Variants in RABGAP1 observed in about 807,000 individuals in gnomAD.
RABGAP1 encodes the protein rab GTPase-activating protein 1.
In RABGAP1, 23 loss-of-function variants were observed where a neutral mutation model predicts 137.6. The observed-to-expected ratio is 0.17, with a 90% CI of 0.12 to 0.24. RABGAP1 has a LOEUF of 0.24. RABGAP1 is among the 10% of genes least tolerant of loss of function. The probability of loss-of-function intolerance (pLI) is 1.00; values close to 1 mark genes in which losing one functional copy is unlikely to be tolerated. For synonymous variants in RABGAP1, 451 were observed against 450.7 expected, an observed-to-expected ratio of 1.00 and a Z score of -0.01; for missense variants, 906 against 1,275.8, an observed-to-expected ratio of 0.71 and a Z score of 4.42.
chr9:123,027,108 CTTT>C (rs71388345), intron 13 of RABGAP1, among the ~76,000 whole-genome samples: 39 of 100,084 alleles, frequency 3.9e-4, no homozygotes, highest in African/African-American at 8.4e-4. Context: ...TCTTTCTTTT[CTTT>C]TTTTTTTTTT....
intron 10 of RABGAP1, among the ~76,000 whole-genome samples, chr9:123,007,063 G>C (rs2030342846): frequency 7.0e-6 from 1 of 143,788 alleles, no homozygotes; most frequent in African/African-American, 2.6e-5. Flanking sequence ...AAAAACTACT[G>C]GTGTTTTTCA....
chr9:123,018,082 C>G (rs912003535), intron 12 of RABGAP1, among the ~76,000 whole-genome samples: 1 of 152,026 alleles, frequency 6.6e-6, no homozygotes, highest in Non-Finnish European at 1.5e-5. Context: ...CAGGCTCTGC[C>G]CCCCGGGGTT....
rs191462622 is a variant in RABGAP1 at position 122,984,060 on chromosome 9, A to G, written c.151-425A>G. Among the ~76,000 whole-genome samples the G allele has an allele frequency of 3.8e-4, 58 of 152,326 alleles. No homozygotes were observed. The East Asian group carries it at 0.01, about 26-fold the overall frequency. The stretch of plus-strand genomic sequence containing the variant: ...TGTGGAAATGTATTGCCTAATATGT[A>G]TGTTTCTGTTGATACCTTTTGGAAG... On this transcript the variant is annotated intron_variant, in intron 2 of 25. Transcript: ENST00000373647.
chr9:123,052,113 A>G (rs2033508467), intron 13 of RABGAP1, among the ~76,000 whole-genome samples: 1 of 152,146 alleles, frequency 6.6e-6, no homozygotes, highest in Non-Finnish European at 1.5e-5. Flanking sequence ...CCACAAGAAA[A>G]GCATTTTAAA....
intron 13 of RABGAP1, among the ~76,000 whole-genome samples, chr9:123,038,287 A>T (rs972038052): frequency 1.3e-5 from 2 of 152,134 alleles, no homozygotes; most frequent in African/African-American, 2.4e-5. Context: ...TTGCTGGATA[A>T]ATTCTTTTCA....
intron 14 of RABGAP1, among the ~76,000 whole-genome samples, chr9:123,068,765 TG>T (rs2034263579): frequency 6.6e-6 from 1 of 152,244 alleles, no homozygotes; most frequent in Non-Finnish European, 1.5e-5. Context: ...GTGATCATAA[TG>T]TATGTATTTT....
chr9:123,020,536 C>A, intron 13 of RABGAP1, 77 bp downstream of exon 13: 2 of 1,293,386 alleles, frequency 1.5e-6, no homozygotes, highest in Non-Finnish European at 2.0e-6. Context: ...AGTTATTTGA[C>A]TTATAAGAAG....
chr9:122,982,761 G>A (rs910759628), intron 2 of RABGAP1, among the ~76,000 whole-genome samples: 8 of 152,070 alleles, frequency 5.3e-5, no homozygotes, highest in African/African-American at 1.9e-4. Flanking sequence ...TTTAAGCTGG[G>A]CGTGGTGGCA....
At chr9:123,077,623 T>C (rs1223213034) in intron 19 of RABGAP1, among the ~76,000 whole-genome samples, 1 of 91,018 alleles carries the variant, frequency 1.1e-5, no homozygotes, top group East Asian at 2.9e-4. Flanking sequence ...TGTATTGTAT[T>C]GTATTGTATT....
chr9:123,042,933 A>G (rs1274552053), intron 13 of RABGAP1, among the ~76,000 whole-genome samples: 2 of 152,204 alleles, frequency 1.3e-5, no homozygotes, highest in Non-Finnish European at 2.9e-5. Context: ...TGGGGCATGG[A>G]TGGTGGAGTC....
chr9:122,988,200 G>A (rs1283750995), intron 4 of RABGAP1, among the ~76,000 whole-genome samples: 1 of 151,984 alleles, frequency 6.6e-6, no homozygotes, highest in Non-Finnish European at 1.5e-5. Context: ...AAAGCTAGTC[G>A]GTTTTACCCC....
chr9:123,034,487 C>A, intron 13 of RABGAP1: 2 of 853,204 alleles, frequency 2.3e-6, no homozygotes, highest in Non-Finnish European at 3.7e-6. Flanking sequence ...AAGCTGACCG[C>A]AATGACAGCA....
intron 1 of RABGAP1, among the ~76,000 whole-genome samples, chr9:122,942,435 G>C (rs1833635981): frequency 6.6e-6 from 1 of 152,240 alleles, no homozygotes; most frequent in Admixed American, 6.5e-5. Flanking sequence ...ATTTTAGGAG[G>C]TTGAGGCGGG....
chr9:123,054,518 A>C (rs1419046211), intron 13 of RABGAP1, among the ~76,000 whole-genome samples: 1 of 152,224 alleles, frequency 6.6e-6, no homozygotes, highest in African/African-American at 2.4e-5. Flanking sequence ...CTCTGTTATT[A>C]ACTCTATTAT....
intron 11 of RABGAP1, among the ~76,000 whole-genome samples, chr9:123,014,620 C>T (rs1195068453): frequency 2.6e-5 from 4 of 151,052 alleles, no homozygotes; most frequent in Admixed American, 2.0e-4. Flanking sequence ...AAGACATACC[C>T]GACCGAGACT....
At position 123,076,214 on chromosome 9, in the gene RABGAP1, G is replaced by A. The variant is rs188493922; in HGVS notation, c.2254-31G>A. 243 of 1,601,508 alleles carry A rather than the reference G, an allele frequency of 1.5e-4. No homozygotes were observed. The African/African-American group carries it at 3.1e-3, about 21-fold the overall frequency. On this transcript the variant is annotated intron_variant, in intron 17 of 25. Transcript: ENST00000373647. ...GCATAATAGTCGAGATATAAAAACT[G>A]ACAGTGTTCTTTTTGTCTGTTCTCT...
chr9:122,984,292 CTA>C (rs377204989), intron 2 of RABGAP1, among the ~76,000 whole-genome samples, 191 bp from the exon 3 acceptor site: 41 of 152,188 alleles, frequency 2.7e-4, no homozygotes, highest in Middle Eastern at 3.4e-3. Flanking sequence ...TCATGAAAAA[CTA>C]TGTAATTGAG....
chr9:123,027,132 C>T (rs867009655), intron 13 of RABGAP1, among the ~76,000 whole-genome samples: 4 of 127,526 alleles, frequency 3.1e-5, no homozygotes, highest in Non-Finnish European at 6.4e-5. Context: ...TTTTTTGAGA[C>T]GGACTCTCGC....
chr9:123,085,960 C>G, intron 19 of RABGAP1, among the ~76,000 whole-genome samples: 1 of 152,060 alleles, frequency 6.6e-6, no homozygotes, highest in African/African-American at 2.4e-5. Context: ...TTTATGAGTC[C>G]CAACTACTTT....
Sources: gnomAD v4.1 joint callset for allele counts (sites outside exome capture counted in the v4.1 genomes callset) on GRCh38, gnomAD v4.1.1 for gene constraint, MANE v1.5 for transcripts, NCBI Gene and HGNC (gene_info 2026-07-23, HGNC 2026-07-21) for gene names.